The following WDFY3 variants were observed in gnomAD, a reference collection of about 807,000 sequenced individuals.
WDFY3 encodes WD repeat and FYVE domain-containing protein 3.
In WDFY3, 66 loss-of-function variants were observed where a neutral mutation model predicts 409.6. That is an observed-to-expected ratio of 0.16 (90% CI 0.13 to 0.20). The LOEUF (loss-of-function observed/expected upper bound fraction) is 0.20, where lower values mean the gene tolerates loss of function less well. Among genes scored for constraint, WDFY3 ranks in the 10% least tolerant of loss-of-function variants. The pLI, the probability that WDFY3 is intolerant of heterozygous loss-of-function variation, is 1.00. For missense variants in WDFY3, 3,031 were observed against 4,298.1 expected (o/e 0.71, Z 8.24); for synonymous variants, 1,521 against 1,537.1 (o/e 0.99, Z 0.25).
At position 84,733,553 on chromosome 4, in the gene WDFY3, C is replaced by G; in HGVS notation, c.7050G>C (p.Glu2350Asp). 6.2e-7 allele frequency: 1 copy of G among 1,614,158 alleles called. No individual in the cohort carries two copies. The highest frequency in any genetic ancestry group is 8.5e-7 in the Non-Finnish European group (1 of 1,180,036). Residue 2350 changes from glutamate to aspartate, a missense_variant, in exon 44 of 68, where the codon GAG becomes GAC. Coordinates refer to ENST00000295888, the MANE Select transcript of WDFY3 (RefSeq NM_014991.6). ...VTEEWCQIEC[E>D]LLRERGLWGP... is the part of the protein sequence containing the mutation. ...CCCACAGCCCCCGCTCCCTCAACAG[C>G]TCGCACTCGATCTGACACCACTCTT... is the stretch of plus-strand genomic sequence containing the variant.
chr4:84,963,119 C>CA (rs1388408407), intron 1 of WDFY3, among the ~76,000 whole-genome samples: 3 of 141,478 alleles, frequency 2.1e-5, no homozygotes, highest in East Asian at 2.2e-4. Context: ...AACAAACAAA[C>CA]AAAAAAACAA....
At chr4:84,961,442 C>A (rs1232099439) in intron 1 of WDFY3, among the ~76,000 whole-genome samples, 2 of 151,470 alleles carry the variant, frequency 1.3e-5, no homozygotes, top group Non-Finnish European at 2.9e-5. Flanking sequence ...TTTTTTAATT[C>A]TAATTTTCTA....
chr4:84,794,992 A>C lies in WDFY3; in HGVS notation c.3168-13T>G. ...CAAAAAAAGACATCTATTAAAGAAAAGACAACATACATATTAGAGATCAAT... is the reference window on the plus strand; with the variant it reads ...CAAAAAAAGACATCTATTAAAGAAACGACAACATACATATTAGAGATCAAT... On this transcript the variant is annotated splice_polypyrimidine_tract_variant and intron_variant, in intron 19 of 67. Coordinates refer to ENST00000295888, the MANE Select transcript of WDFY3 (RefSeq NM_014991.6). 6.5e-7 allele frequency: 1 copy of C among 1,528,040 alleles called. No homozygotes were observed. Among genetic ancestry groups the C allele is most frequent in the Non-Finnish European group, 8.8e-7 (1 of 1,142,804 alleles). The allele number at this position is 1,528,040 out of a possible 1,614,324, so 94.7% of individuals were successfully genotyped here. A position where few individuals can be genotyped will look rare whatever the true frequency, so the allele number is the denominator to read the frequency against.
chr4:84,678,382 ATACAGC>A (rs1726726373), intron 65 of WDFY3, 103 bp from the exon 66 acceptor site: 1 of 769,898 alleles, frequency 1.3e-6, no homozygotes, highest in Non-Finnish European at 2.2e-6. Flanking sequence ...GTACCTCAAC[ATACAGC>A]TACAGCAGCT....
intron 51 of WDFY3, among the ~76,000 whole-genome samples, chr4:84,710,579 C>T (rs1019840564): frequency 1.6e-4 from 24 of 152,282 alleles, no homozygotes; most frequent in African/African-American, 5.3e-4. Context: ...TTGAGATAGT[C>T]TTTCCATCAG....
In WDFY3 at chr4:84,670,286, G is replaced by A. The variant is rs531044729; in HGVS notation, c.*2582C>T. On this transcript the variant is annotated 3_prime_UTR_variant, in exon 68 of 68. Transcript: ENST00000295888. ...TATGAGGTACTCTCAGAAAAAGAAT[G>A]CAGACCATACTAAGGTAGATGTACA... 6.5e-6 allele frequency: 1 copy of A among 152,750 alleles called. No individual in the cohort carries two copies. The highest frequency in any genetic ancestry group is 2.1e-4 in the South Asian group (1 of 4,830). 9.5% of individuals were successfully genotyped at this position (152,750 alleles called of 1,614,324 possible). A position where few individuals can be genotyped will look rare whatever the true frequency, so the allele number is the denominator to read the frequency against.
At chr4:84,766,145 G>C (rs1743592147) in intron 31 of WDFY3, 107 bp downstream of exon 31, 2 of 1,485,308 alleles carry the variant, frequency 1.3e-6, no homozygotes, top group African/African-American at 1.4e-5. Context: ...ATAAATTTCA[G>C]GGTTAAAAAA....
At chr4:84,743,168 C>A (rs1458609475) in intron 37 of WDFY3, among the ~76,000 whole-genome samples, 3 of 152,148 alleles carry the variant, frequency 2.0e-5, no homozygotes, top group Non-Finnish European at 4.4e-5. Context: ...CATTATGTTT[C>A]CTTCTTTTAT....
rs181533058 is a variant in WDFY3, at chr4:84,752,921, T to C, written c.5739+776A>G. 2.9e-3 allele frequency among the ~76,000 whole-genome samples: 438 copies of C among 152,324 alleles called. 1 individual carries two copies. The highest frequency in any genetic ancestry group is 4.0e-3 in the Non-Finnish European group (272 of 68,032). Reference sequence around the variant, plus strand: ...CGTGCAAAAGTAAGTGATAAGCCCCTGCTATATGGTTTTGTGTAAACTACA... The same window carrying C: ...CGTGCAAAAGTAAGTGATAAGCCCCCGCTATATGGTTTTGTGTAAACTACA... On this transcript the variant is annotated intron_variant, in intron 35 of 67. Coordinates refer to ENST00000295888, the MANE Select transcript of WDFY3 (RefSeq NM_014991.6).
chr4:84,864,093 G>A (rs1361460442), intron 3 of WDFY3, among the ~76,000 whole-genome samples: 1 of 151,958 alleles, frequency 6.6e-6, no homozygotes, highest in Admixed American at 6.6e-5. Flanking sequence ...GAGGCCAGGC[G>A]CAATGGCTGA....
intron 3 of WDFY3, among the ~76,000 whole-genome samples, chr4:84,881,295 C>T (rs1763501825): frequency 6.6e-6 from 1 of 152,056 alleles, no homozygotes; most frequent in Non-Finnish European, 1.5e-5. Flanking sequence ...ACGTATCTCC[C>T]TGTGAATTAT....
At chr4:84,681,908 C>T (rs1471099285) in intron 64 of WDFY3, among the ~76,000 whole-genome samples, 1 of 152,132 alleles carries the variant, frequency 6.6e-6, no homozygotes, top group Non-Finnish European at 1.5e-5. Flanking sequence ...AATTAATGCC[C>T]CAATGTAAGC....
intron 5 of WDFY3, among the ~76,000 whole-genome samples, chr4:84,847,455 A>G (rs1758225200): frequency 6.6e-6 from 1 of 151,986 alleles, no homozygotes; most frequent in Non-Finnish European, 1.5e-5. Flanking sequence ...TTATTTATGG[A>G]GACAAAAATC....
At chr4:84,956,086 A>G (rs1452224615) in intron 1 of WDFY3, among the ~76,000 whole-genome samples, 1 of 152,202 alleles carries the variant, frequency 6.6e-6, no homozygotes, top group Non-Finnish European at 1.5e-5. Flanking sequence ...CTAATATTAA[A>G]TAAGTTGGCC....
intron 42 of WDFY3, among the ~76,000 whole-genome samples, chr4:84,735,589 T>C (rs1258875091): frequency 6.6e-6 from 1 of 152,204 alleles, no homozygotes; most frequent in Non-Finnish European, 1.5e-5. Flanking sequence ...TCCACAGGTA[T>C]TGATCCCAAG....
intron 34 of WDFY3, among the ~76,000 whole-genome samples, chr4:84,754,802 A>T (rs1741148827): frequency 6.6e-6 from 1 of 152,214 alleles, no homozygotes; most frequent in South Asian, 2.1e-4. Context: ...TTATTGTAAT[A>T]ACATATACTA....
In WDFY3 at chr4:84,740,356, T is replaced by C. The variant is rs1738190257; in HGVS notation, c.6295A>G (p.Ile2099Val). 6.2e-7 allele frequency: 1 copy of C among 1,614,108 alleles called. No individual in the cohort carries two copies. The highest frequency in any genetic ancestry group is 8.5e-7 in the Non-Finnish European group (1 of 1,180,012). The part of the protein sequence containing the change: ...DAVYHCLNRT[I>V]LYQFSRAHKT... ...TGTGCCCGTGAGAACTGGTACAAGA[T>C]GGTCCTATTGAGGCAATGATACACT... Residue 2099 changes from isoleucine (I) to valine (V), a missense_variant, in exon 39 of 68, where the codon ATC becomes GTC. This residue lies in a region of WDFY3 where 314 missense variants were observed against 397.4 expected (regional missense o/e 0.79). Coordinates refer to ENST00000295888, the MANE Select transcript of WDFY3 (RefSeq NM_014991.6).
Position 84,724,662 on chromosome 4 carries a change from G to A in WDFY3, c.7273-68C>T, listed in dbSNP as rs1578258557. 10 of 1,544,246 alleles carry A rather than the reference G, an allele frequency of 6.5e-6. No individual in the cohort carries two copies. The East Asian group carries it at 2.3e-4, about 35-fold the overall frequency. On this transcript the variant is annotated intron_variant, in intron 45 of 67. Coordinates refer to ENST00000295888, the MANE Select transcript of WDFY3 (RefSeq NM_014991.6). ...AGAATTAAAACGTAATATTCTTGAG[G>A]GAAGGTATGGTGTCAAGGTGTGTTA...
intron 8 of WDFY3, among the ~76,000 whole-genome samples, chr4:84,829,832 A>AATAAATAAATAAATAC (rs1442932774): frequency 9.3e-5 from 14 of 150,160 alleles, no homozygotes; most frequent in African/African-American, 3.2e-4. Context: ...TAAATAAATA[A>AATAAATAAATAAATAC]ATAAATAAAT....
Sources: allele counts gnomAD v4.1 joint callset (sites outside exome capture counted in the v4.1 genomes callset), GRCh38; gene constraint gnomAD v4.1.1; regional missense constraint gnomAD v4.1.1; transcripts MANE v1.5; gene names NCBI Gene and HGNC (gene_info 2026-07-23, HGNC 2026-07-21).